Variants in DOCK6 observed in about 807,000 individuals in gnomAD.
The protein encoded by DOCK6 is dedicator of cytokinesis 6, also known as dedicator of cytokinesis protein 6.
A neutral mutation model predicts 230.3 loss-of-function variants in DOCK6; 167 were observed. That is an observed-to-expected ratio of 0.73 (90% confidence interval 0.64 to 0.82). DOCK6 has a LOEUF of 0.82. Ranked by LOEUF, DOCK6 falls within the 40% of genes least tolerant of loss-of-function variation. DOCK6 has a pLI of 0.00. For synonymous variants in DOCK6, 1,148 were observed against 1,185.0 expected (o/e 0.97, Z 0.64); for missense variants, 2,598 against 2,825.8 (o/e 0.92, Z 1.83).
At position 11,208,849 on chromosome 19, in the gene DOCK6, G is replaced by A. The variant is rs765168661; in HGVS notation, c.4945-20C>T. 11 of 1,607,962 alleles carry A rather than the reference G, an allele frequency of 6.8e-6. No individual in the cohort carries two copies. Among genetic ancestry groups the A allele is most frequent in the East Asian group, 2.2e-5 (1 of 44,714 alleles). ...GATGTTCTGGGGTGGGAGAGGTGGCGTCAGACCCTGGTCCCCACTGCACTC... is the reference window on the plus strand; with the variant it reads ...GATGTTCTGGGGTGGGAGAGGTGGCATCAGACCCTGGTCCCCACTGCACTC... On this transcript the variant is annotated intron_variant, in intron 38 of 47. Coordinates refer to ENST00000294618, the MANE Select transcript of DOCK6 (RefSeq NM_020812.4).
intron 21 of DOCK6, among the ~76,000 whole-genome samples, chr19:11,234,398 T>G (rs1359695859): frequency 6.8e-6 from 1 of 146,968 alleles, no homozygotes; most frequent in Non-Finnish European, 1.5e-5. Flanking sequence ...TGAGCCACCA[T>G]GCCTGGCTGA....
chr19:11,213,315 A>G lies in DOCK6; in HGVS notation c.4352T>C (p.Leu1451Pro). The G allele has an allele frequency of 6.2e-7, 1 of 1,611,640 alleles. No individual in the cohort carries two copies. Among genetic ancestry groups the G allele is most frequent in the Non-Finnish European group, 8.5e-7 (1 of 1,179,702 alleles). Residue 1451 changes from leucine (L) to proline (P), a missense_variant, in exon 35 of 48, where the codon CTG (leucine) becomes CCG (proline). By Grantham distance (98) the Leu-to-Pro change is moderately conservative (BLOSUM62 -3). Transcript: ENST00000294618. ...ACACAGCTCCGTGTCCTCCTCGAAC[A>G]GCAGCTCCGGGAACTGCCCCCAAGG... is the stretch of plus-strand genomic sequence containing the variant. Reference protein sequence around the residue: ...RALVSKFPELLFEEDTELCAD... With the variant: ...RALVSKFPELPFEEDTELCAD...
intron 5 of DOCK6, 179 bp downstream of exon 5, chr19:11,251,940 A>G: frequency 1.2e-6 from 1 of 860,884 alleles, no homozygotes. Context: ...CCTTCAGTAC[A>G]CCCTAAGCAC....
chr19:11,232,763 G>GTGTACTA (rs2079787233), intron 22 of DOCK6, among the ~76,000 whole-genome samples: 4 of 151,612 alleles, frequency 2.6e-5, no homozygotes, highest in Admixed American at 6.6e-5. Context: ...GGGTGAATGT[G>GTGTACTA]CCTATGTACC....
At position 11,201,199 on chromosome 19, in the gene DOCK6, G is replaced by T; in HGVS notation, c.5689-147C>A. 2 of 1,037,612 alleles carry T rather than the reference G, an allele frequency of 1.9e-6. No homozygotes were observed. Among genetic ancestry groups the T allele is most frequent in the Admixed American group, 4.4e-5 (2 of 45,166 alleles). The allele number at this position is 1,037,612 out of a possible 1,614,324, so 64.3% of individuals were successfully genotyped here. ...AGAATCTGGGGGCCTTCCTGGGTCTGACTCTGGGGGGGTCCAGCCTTGGGT... is the reference window on the plus strand; with the variant it reads ...AGAATCTGGGGGCCTTCCTGGGTCTTACTCTGGGGGGGTCCAGCCTTGGGT... On this transcript the variant is annotated intron_variant, in intron 44 of 47. Coordinates refer to ENST00000294618, the MANE Select transcript of DOCK6 (RefSeq NM_020812.4). The surrounding 1 kb of genome is among the most constrained non-coding windows in gnomAD (Gnocchi z 4.3).
rs2079837188 is a variant in DOCK6, at chr19:11,235,791, G to A, written c.2393-32C>T. On this transcript the variant is annotated intron_variant, in intron 20 of 47. Transcript: ENST00000294618. ...GGCAGAGCAGAGGTCAAGTTCCAGG[G>A]CCCAAGGCCTCTCACCTCCCCGCCC... is the stretch of plus-strand genomic sequence containing the variant. 2.6e-6 allele frequency: 4 copies of A among 1,556,148 alleles called. No individual in the cohort carries two copies. In the East Asian group the frequency reaches 7.1e-5, roughly 28 times the overall value.
rs1163970301 is a variant in DOCK6 at position 11,204,080 on chromosome 19, C to T, written c.5235+1G>A. 1 of 1,549,820 alleles carries T rather than the reference C, an allele frequency of 6.5e-7. No homozygotes were observed. Among genetic ancestry groups the T allele is most frequent in the South Asian group, 1.2e-5 (1 of 83,994 alleles). On this transcript the variant is annotated splice_donor_variant, in intron 41 of 47. Coordinates refer to ENST00000294618, the MANE Select transcript of DOCK6 (RefSeq NM_020812.4). LOFTEE classifies it high-confidence loss of function. ...GTGGCTGTCCACCAAGGCTGACTCA[C>T]CTCCCAGCCGGAACTCTGTGGGGAA... is the stretch of plus-strand genomic sequence containing the variant.
intron 4 of DOCK6, 26 bp downstream of exon 4, chr19:11,252,456 C>G (rs777849549): frequency 2.5e-6 from 4 of 1,613,582 alleles, no homozygotes; most frequent in Non-Finnish European, 3.4e-6. Flanking sequence ...TCCGAACCCC[C>G]TGAGCTGCCC....
chr19:11,236,264 G>A lies in DOCK6; in HGVS notation c.2392+82C>T. 1 of 1,298,890 alleles carries A rather than the reference G, an allele frequency of 7.7e-7. No individual in the cohort carries two copies. The highest frequency in any genetic ancestry group is 1.1e-6 in the Non-Finnish European group (1 of 947,210). The allele number at this position is 1,298,890 out of a possible 1,614,324, so 80.5% of individuals were successfully genotyped here. On this transcript the variant is annotated intron_variant, in intron 20 of 47. Transcript: ENST00000294618. The surrounding 1 kb of genome is among the most constrained non-coding windows in gnomAD (Gnocchi z 5.2). ...GAAAAATGGCCAGAGAGGTAAATGG[G>A]CTTATAGAAGATCCCTCAGGACCTC...
Position 11,243,896 on chromosome 19 carries a change from G to A in DOCK6, c.1024-14C>T. 4.4e-6 allele frequency: 7 copies of A among 1,601,056 alleles called. No homozygotes were observed. The highest frequency in any genetic ancestry group is 5.1e-6 in the Non-Finnish European group (6 of 1,174,016). Reference sequence around the variant, plus strand: ...CACCTTCTCCAACTGCGGGGCAGATGAATGAATCCAGTGAGGCGCTGCCCG... The same window carrying A: ...CACCTTCTCCAACTGCGGGGCAGATAAATGAATCCAGTGAGGCGCTGCCCG... On this transcript the variant is annotated splice_polypyrimidine_tract_variant and intron_variant, in intron 9 of 47. Coordinates refer to ENST00000294618, the MANE Select transcript of DOCK6 (RefSeq NM_020812.4). The surrounding 1 kb of genome is among the most constrained non-coding windows in gnomAD (Gnocchi z 6.3).
chr19:11,237,015 G>T, intron 18 of DOCK6, 136 bp from the exon 19 acceptor site: 1 of 853,932 alleles, frequency 1.2e-6, no homozygotes, highest in Non-Finnish European at 1.8e-6. Context: ...CCTGCCCCCA[G>T]CCCTGGTCCC....
At chr19:11,235,528 G>A (rs967707234) in intron 21 of DOCK6, 70 bp downstream of exon 21, 2 of 1,451,058 alleles carry the variant, frequency 1.4e-6, no homozygotes, top group Non-Finnish European at 1.9e-6. Context: ...TGGGATTACA[G>A]GCGTGAGCCA....
intron 30 of DOCK6, 175 bp from the exon 31 acceptor site, chr19:11,216,102 T>G (rs901387500): frequency 1.5e-6 from 1 of 650,148 alleles, no homozygotes; most frequent in Non-Finnish European, 2.4e-6. Flanking sequence ...TTTTTTTTTT[T>G]CTTGAAACAG....
chr19:11,212,196 C>T, intron 35 of DOCK6, 45 bp from the exon 36 acceptor site: 1 of 1,583,634 alleles, frequency 6.3e-7, no homozygotes, highest in Non-Finnish European at 8.5e-7. Context: ...GTCTCAGACC[C>T]CAGACCCCAC....
chr19:11,236,923 G>T lies in DOCK6; in HGVS notation c.2074-44C>A. ...AGGTGGGCACTGGTCAGCCCTCCCT[G>T]ACTGATCAGGTCACCCAGCGGCCCC... On this transcript the variant is annotated intron_variant, in intron 18 of 47. Transcript: ENST00000294618. This position sits in a 1 kb window ranked among gnomAD's most constrained non-coding sequence, Gnocchi z 5.2. 5.2e-6 allele frequency: 8 copies of T among 1,525,944 alleles called. No individual in the cohort carries two copies. The highest frequency in any genetic ancestry group is 2.5e-5 in the East Asian group (1 of 40,468). The allele number at this position is 1,525,944 out of a possible 1,614,324, so 94.5% of individuals were successfully genotyped here. A position where few individuals can be genotyped will look rare whatever the true frequency, so the allele number is the denominator to read the frequency against.
rs921598314 is a variant in DOCK6 at position 11,201,613 on chromosome 19, A to G, written c.5688+276T>C. On this transcript the variant is annotated intron_variant, in intron 44 of 47. Coordinates refer to ENST00000294618, the MANE Select transcript of DOCK6 (RefSeq NM_020812.4). This position sits in a 1 kb window ranked among gnomAD's most constrained non-coding sequence, Gnocchi z 4.3. ...ACCTCTCCTCCCTGGGCCTTCCTAGATCTGGGCTCCCTCTGCCTCCTCTTT... is the reference window on the plus strand; with the variant it reads ...ACCTCTCCTCCCTGGGCCTTCCTAGGTCTGGGCTCCCTCTGCCTCCTCTTT... 2.0e-5 allele frequency among the ~76,000 whole-genome samples: 3 copies of G among 150,706 alleles called. No homozygotes were observed. The highest frequency in any genetic ancestry group is 3.0e-5 in the Non-Finnish European group (2 of 67,640).
rs775672633 is a variant in DOCK6 at position 11,238,283 on chromosome 19, C to T, written c.1665G>A (p.Pro555=). The change falls in exon 15 of 48, where the codon CCG becomes CCA. Residue 555 remains proline, a synonymous_variant. Transcript: ENST00000294618. ...TSYRNLLYVY[P]HSLNFSSRQG... ...GGCGGCTGCTGAAGTTGAGGCTGTG[C>T]GGGTACACGTACAGCAGGTTCCTGT... is the stretch of plus-strand genomic sequence containing the variant. 36 of 1,610,322 alleles carry T rather than the reference C, an allele frequency of 2.2e-5. No homozygotes were observed. Among genetic ancestry groups the T allele is most frequent in the Admixed American group, 3.4e-5 (2 of 59,612 alleles).
At position 11,217,211 on chromosome 19, in the gene DOCK6, G is replaced by A. The variant is rs1357430360; in HGVS notation, c.3711+20C>T. 1 of 1,609,352 alleles carries A rather than the reference G, an allele frequency of 6.2e-7. No homozygotes were observed. Among genetic ancestry groups the A allele is most frequent in the Non-Finnish European group, 8.5e-7 (1 of 1,177,432 alleles). ...CATTCAAAGTGGATGATGTCTATGG[G>A]GACAAGCCTCCCTACTCACCGTTGG... On this transcript the variant is annotated intron_variant, in intron 29 of 47. Transcript: ENST00000294618.
rs1302625354 is a variant in DOCK6 at position 11,222,507 on chromosome 19, C to T, written c.3240+228G>A. On this transcript the variant is annotated intron_variant, in intron 26 of 47. Transcript: ENST00000294618. The surrounding 1 kb of genome is among the most constrained non-coding windows in gnomAD (Gnocchi z 4.0). ...GAGAAATAGCAGATGGAACACTGGG[C>T]TGGGAGTTAGGATTTAGGGGAGAGA... Among the ~76,000 whole-genome samples the T allele has an allele frequency of 1.3e-5, 2 of 151,986 alleles. No homozygotes were observed. The highest frequency in any genetic ancestry group is 2.9e-5 in the Non-Finnish European group (2 of 67,996).
Sources: allele counts gnomAD v4.1 joint callset (sites outside exome capture counted in the v4.1 genomes callset), GRCh38; gene constraint gnomAD v4.1.1; non-coding constraint Gnocchi (gnomAD v3.1); transcripts MANE v1.5; gene names NCBI Gene and HGNC (gene_info 2026-07-23, HGNC 2026-07-21).